TMEM135: variants seen among roughly 807,000 people sequenced by gnomAD.
The protein encoded by TMEM135 is transmembrane protein 135, also known as peroxisomal membrane protein 52.
Under a neutral mutation model 60.3 loss-of-function variants are expected in TMEM135, and 30 were observed. The ratio of observed to expected loss-of-function variants is 0.50; its 90% CI spans 0.37 to 0.68. The LOEUF (loss-of-function observed/expected upper bound fraction) is 0.68. Among genes scored for constraint, TMEM135 ranks in the 30% least tolerant of loss-of-function variants. The pLI is 0.00. For synonymous variants in TMEM135, 190 were observed against 186.7 expected, an observed-to-expected ratio of 1.02 and a Z score of -0.14; for missense variants, 468 against 548.8, an observed-to-expected ratio of 0.85 and a Z score of 1.47.
intron 6 of TMEM135, among the ~76,000 whole-genome samples, chr11:87,240,912 T>C (rs112075983): frequency 2.0e-5 from 3 of 149,136 alleles, no homozygotes; most frequent in Non-Finnish European, 3.0e-5. Context: ...AGTTAATCTA[T>C]AGACTATATG....
intron 5 of TMEM135, among the ~76,000 whole-genome samples, chr11:87,201,950 T>TTTATGTTATG (rs71040298): frequency 0.11 from 15,491 of 137,836 alleles, 1,226 homozygotes; most frequent in Non-Finnish European, 0.16. Context: ...GTATTTATTT[T>TTTATGTTATG]TTATGTTATG....
chr11:87,281,640 C>G (rs1381997747), intron 6 of TMEM135, among the ~76,000 whole-genome samples: 1 of 152,134 alleles, frequency 6.6e-6, no homozygotes, highest in African/African-American at 2.4e-5. Flanking sequence ...TGTTATTGTT[C>G]AAAAACCTTT....
At chr11:87,144,768 T>C (rs183794528) in intron 4 of TMEM135, among the ~76,000 whole-genome samples, 1 of 148,302 alleles carries the variant, frequency 6.7e-6, no homozygotes, top group African/African-American at 2.5e-5. Context: ...TTTTTTTTTA[T>C]TTAGATTTTA....
At chr11:87,108,988 GA>G (rs1857672145) in intron 4 of TMEM135, among the ~76,000 whole-genome samples, 1 of 151,948 alleles carries the variant, frequency 6.6e-6, no homozygotes, top group Non-Finnish European at 1.5e-5. Flanking sequence ...AAGAAGCTAA[GA>G]AAAAAAGGAT....
At chr11:87,226,137 A>G (rs651945) in intron 5 of TMEM135, among the ~76,000 whole-genome samples, 119,294 of 152,048 alleles carry the variant, frequency 0.78, 47,537 homozygotes, top group Non-Finnish European at 0.83. Flanking sequence ...TAGAGGAACC[A>G]TGGGAAAGAA....
intron 4 of TMEM135, among the ~76,000 whole-genome samples, chr11:87,148,328 C>T (rs1938469105): frequency 6.6e-6 from 1 of 152,194 alleles, no homozygotes; most frequent in Non-Finnish European, 1.5e-5. Flanking sequence ...CACTTCAGTG[C>T]TTTCCCATAG....
In TMEM135 at chr11:87,216,435, C is replaced by T. The variant is rs149481190; in HGVS notation, c.463-20203C>T. 1.4e-3 allele frequency among the ~76,000 whole-genome samples: 219 copies of T among 151,912 alleles called. 3 individuals are homozygous for T. The East Asian group carries it at 0.038, about 26-fold the overall frequency. On this transcript the variant is annotated intron_variant, in intron 5 of 14. Coordinates refer to ENST00000305494, the MANE Select transcript of TMEM135 (RefSeq NM_022918.4). ...ACCCTGTTGTTTGACTATGTGTTGA[C>T]GTAGTGTTTTCCAAGATATTCTTCA...
chr11:87,159,270 T>G (rs1006188273), intron 5 of TMEM135, among the ~76,000 whole-genome samples: 1 of 152,192 alleles, frequency 6.6e-6, no homozygotes, highest in South Asian at 2.1e-4. Context: ...TTCTTACATT[T>G]TAAGAGCTCT....
rs183070125 is a variant in TMEM135 at position 87,120,936 on chromosome 11, T to C, written c.396+29541T>C. The C allele has an allele frequency of 1.7e-4, 26 of 152,324 alleles. No homozygotes were observed. In the East Asian group the frequency reaches 4.6e-3, roughly 27 times the overall value. 9.4% of individuals were successfully genotyped at this position (152,324 alleles called of 1,614,324 possible). A position where few individuals can be genotyped will look rare whatever the true frequency, so the allele number is the denominator to read the frequency against. On this transcript the variant is annotated intron_variant, in intron 4 of 14. Coordinates refer to ENST00000305494, the MANE Select transcript of TMEM135 (RefSeq NM_022918.4). Reference sequence around the variant, plus strand: ...AGCAAATTTTGACTCTTCATATGTTTTGTACATTGAATTAAGTGTTGGGGA... The same window carrying C: ...AGCAAATTTTGACTCTTCATATGTTCTGTACATTGAATTAAGTGTTGGGGA...
intron 4 of TMEM135, among the ~76,000 whole-genome samples, chr11:87,101,572 A>G (rs1012757920): frequency 2.6e-5 from 4 of 152,240 alleles, no homozygotes; most frequent in Admixed American, 2.0e-4. Flanking sequence ...TTGTAAACAT[A>G]CATGTAATGT....
intron 5 of TMEM135, among the ~76,000 whole-genome samples, chr11:87,221,036 T>G (rs571618680): frequency 2.4e-4 from 36 of 152,190 alleles, no homozygotes; most frequent in Admixed American, 2.3e-3. Flanking sequence ...ACATTAAGAA[T>G]GCTGTTGTCA....
intron 4 of TMEM135, among the ~76,000 whole-genome samples, chr11:87,120,113 CTTCTTTTTTTT>C (rs1858009762): frequency 1.5e-5 from 2 of 135,024 alleles, no homozygotes; most frequent in Non-Finnish European, 3.1e-5. Flanking sequence ...TTTTCTTCTT[CTTCTTTTTTTT>C]TTTTTTTTGA....
In TMEM135 at chr11:87,326,946, T is replaced by G. The variant is rs1262219492; in HGVS notation, c.*5613T>G. The G allele has an allele frequency of 2.2e-6, 1 of 450,242 alleles. No individual in the cohort carries two copies. The highest frequency in any genetic ancestry group is 2.4e-5 in the Admixed American group (1 of 42,110). 27.9% of individuals were successfully genotyped at this position (450,242 alleles called of 1,614,324 possible). A position where few individuals can be genotyped will look rare whatever the true frequency, so the allele number is the denominator to read the frequency against. ...TTTTTTTTTTCACTAAAACGCTTCC[T>G]ATAACTTGGATTAAAATTCAAAAAT... On this transcript the variant is annotated 3_prime_UTR_variant, in exon 15 of 15. Coordinates refer to ENST00000305494, the MANE Select transcript of TMEM135 (RefSeq NM_022918.4).
At chr11:87,175,746 C>G (rs1013952433) in intron 5 of TMEM135, among the ~76,000 whole-genome samples, 2 of 152,048 alleles carry the variant, frequency 1.3e-5, no homozygotes, top group Non-Finnish European at 2.9e-5. Context: ...TAAGGCTGTA[C>G]CTCCGCTACA....
chr11:87,127,563 A>G (rs1189812431), intron 4 of TMEM135, among the ~76,000 whole-genome samples: 2 of 152,222 alleles, frequency 1.3e-5, no homozygotes, highest in African/African-American at 4.8e-5. Context: ...TTGGTATAGT[A>G]TACTGGAAAT....
intron 5 of TMEM135, among the ~76,000 whole-genome samples, chr11:87,219,484 G>C (rs529286751): frequency 1.3e-5 from 2 of 152,056 alleles, no homozygotes; most frequent in Non-Finnish European, 1.5e-5. Flanking sequence ...GGGGGAGAGA[G>C]CCAGGGAGAG....
At chr11:87,266,682 G>T (rs1941754542) in intron 6 of TMEM135, among the ~76,000 whole-genome samples, 1 of 152,158 alleles carries the variant, frequency 6.6e-6, no homozygotes, top group Non-Finnish European at 1.5e-5. Flanking sequence ...AACCTCCTCA[G>T]CTTCCCATTA....
chr11:87,245,797 C>G lies in TMEM135; in HGVS notation c.509+9113C>G, dbSNP rs1171958512. Among the ~76,000 whole-genome samples the G allele has an allele frequency of 5.0e-5, 5 of 100,772 alleles. 1 individual carries two copies. In the East Asian group the frequency reaches 8.6e-4, roughly 17 times the overall value. 66.1% of individuals were successfully genotyped at this position (100,772 alleles called of 152,430 possible). A position where few individuals can be genotyped will look rare whatever the true frequency, so the allele number is the denominator to read the frequency against. On this transcript the variant is annotated intron_variant, in intron 6 of 14. Coordinates refer to ENST00000305494, the MANE Select transcript of TMEM135 (RefSeq NM_022918.4). ...TACAGCACACTGATGGGTCTTGACT[C>G]TTTATCCAATTTGCCAGTCTGTGTC... is the stretch of plus-strand genomic sequence containing the variant.
At position 87,157,332 on chromosome 11, in the gene TMEM135, A is replaced by G. The variant is rs749690494; in HGVS notation, c.397-9A>G. 1.2e-6 allele frequency: 2 copies of G among 1,603,928 alleles called. No individual in the cohort carries two copies. The highest frequency in any genetic ancestry group is 1.7e-6 in the Non-Finnish European group (2 of 1,174,284). Reference sequence around the variant, plus strand: ...TATATTTTTGCTGTTTTTTTTTTTTAATTTACAGGCCACAGAAACACTATT... The same window carrying G: ...TATATTTTTGCTGTTTTTTTTTTTTGATTTACAGGCCACAGAAACACTATT... On this transcript the variant is annotated splice_polypyrimidine_tract_variant and intron_variant, in intron 4 of 14. Transcript: ENST00000305494.
Sources: gnomAD v4.1 joint callset for allele counts (sites outside exome capture counted in the v4.1 genomes callset) on GRCh38, gnomAD v4.1.1 for gene constraint, MANE v1.5 for transcripts, NCBI Gene and HGNC (gene_info 2026-07-23, HGNC 2026-07-21) for gene names.